Variants in LAP3 observed in about 807,000 individuals in gnomAD.
LAP3 encodes leucine aminopeptidase 3.
LAP3 carries 46 observed loss-of-function variants against 58.8 expected under a neutral mutation model. The observed-to-expected ratio is 0.78, with a 90% CI of 0.62 to 1.00. The LOEUF is 1.00. LAP3 is among the 50% of genes least tolerant of loss of function. The pLI, the probability that LAP3 is intolerant of heterozygous loss-of-function variation, is 0.00. For missense variants in LAP3, 615 were observed against 659.1 expected (o/e 0.93, Z 0.73); for synonymous variants, 257 against 237.7 (o/e 1.08, Z -0.75).
intron 6 of LAP3, chr4:17,587,416 C>T (rs1713550016): frequency 8.1e-6 from 1 of 123,714 alleles, no homozygotes; most frequent in Non-Finnish European, 1.6e-5. Context: ...CATTGCACAG[C>T]CTTGTTGTTG....
intron 10 of LAP3, among the ~76,000 whole-genome samples, chr4:17,602,794 C>T (rs1293021629): frequency 6.6e-6 from 1 of 151,982 alleles, no homozygotes; most frequent in Admixed American, 6.6e-5. Flanking sequence ...AAGCCATTCT[C>T]CTGCCTCAGC....
intron 11 of LAP3, 146 bp from the exon 12 acceptor site, chr4:17,606,683 A>G (rs1274566010): frequency 3.7e-6 from 2 of 544,086 alleles, no homozygotes; most frequent in Non-Finnish European, 6.5e-6. Context: ...TAATGAGTGG[A>G]CACAATTCTG....
At position 17,597,056 on chromosome 4, in the gene LAP3, T is replaced by A. The variant is rs1560347034; in HGVS notation, c.999T>A (p.Pro333=). Residue 333 remains proline (P), a synonymous_variant, in exon 9 of 13, where the codon CCT becomes CCA. Transcript: ENST00000226299. ...NLPINIIGLA[P]LCENMPSGKA... ...TATTATTTCCAATAGGTCTGGCCCC[T>A]CTTTGTGAAAATATGCCCAGCGGCA... The A allele has an allele frequency of 2.5e-6, 4 of 1,614,190 alleles. No individual in the cohort carries two copies. The highest frequency in any genetic ancestry group is 1.3e-5 in the African/African-American group (1 of 75,070).
At chr4:17,582,961 C>G (rs1199474256) in intron 4 of LAP3, among the ~76,000 whole-genome samples, 1 of 152,126 alleles carries the variant, frequency 6.6e-6, no homozygotes, top group African/African-American at 2.4e-5. Context: ...ACTATTTAGG[C>G]CTGTGTATAT....
intron 6 of LAP3, among the ~76,000 whole-genome samples, chr4:17,586,996 C>T (rs1291704418): frequency 4.6e-5 from 7 of 152,104 alleles, no homozygotes; most frequent in African/African-American, 2.4e-5. Context: ...ATCCCAGCTA[C>T]TCGGGAAGCT....
chr4:17,592,522 C>T (rs1402767003), intron 7 of LAP3, among the ~76,000 whole-genome samples: 1 of 152,168 alleles, frequency 6.6e-6, no homozygotes, highest in Non-Finnish European at 1.5e-5. Flanking sequence ...AAGTTAAGAG[C>T]ATCTGTAAGC....
At chr4:17,591,973 T>G (rs28750359) in intron 7 of LAP3, among the ~76,000 whole-genome samples, 3 of 26,224 alleles carry the variant, frequency 1.1e-4, no homozygotes, top group Non-Finnish European at 1.9e-4. Flanking sequence ...GTGTGCACCT[T>G]GGGGGGGTGC....
intron 7 of LAP3, among the ~76,000 whole-genome samples, chr4:17,592,705 C>T (rs1056009402): frequency 6.6e-6 from 1 of 152,250 alleles, no homozygotes; most frequent in African/African-American, 2.4e-5. Context: ...ACACCTTCCT[C>T]AGTATTTGAT....
intron 1 of LAP3, among the ~76,000 whole-genome samples, chr4:17,577,965 C>T (rs1309528668): frequency 6.6e-6 from 1 of 152,188 alleles, no homozygotes; most frequent in African/African-American, 2.4e-5. Flanking sequence ...CACAGGGCTC[C>T]TTCCCCCGCG....
At chr4:17,596,365 G>A (rs1215590614) in intron 8 of LAP3, among the ~76,000 whole-genome samples, 3 of 152,020 alleles carry the variant, frequency 2.0e-5, no homozygotes, top group Admixed American at 2.0e-4. Context: ...TTGAGATGGA[G>A]TTTCGCTCTT....
At chr4:17,604,944 C>T (rs959760618) in intron 11 of LAP3, among the ~76,000 whole-genome samples, 10 of 152,108 alleles carry the variant, frequency 6.6e-5, no homozygotes, top group Admixed American at 3.3e-4. Context: ...TTTAGAATCC[C>T]TGAGGTAGAA....
At chr4:17,604,041 G>A (rs931072950) in intron 10 of LAP3, among the ~76,000 whole-genome samples, 2 of 151,810 alleles carry the variant, frequency 1.3e-5, no homozygotes, top group African/African-American at 4.8e-5. Context: ...GGCTGGTCTC[G>A]AACTCCTGAC....
At chr4:17,603,702 C>A (rs1253497990) in intron 10 of LAP3, among the ~76,000 whole-genome samples, 1 of 151,688 alleles carries the variant, frequency 6.6e-6, no homozygotes, top group Non-Finnish European at 1.5e-5. Flanking sequence ...TTAGTAGAGA[C>A]AGGGTTTCTC....
intron 11 of LAP3, among the ~76,000 whole-genome samples, chr4:17,605,025 C>T (rs1173279589): frequency 6.6e-6 from 1 of 151,912 alleles, no homozygotes; most frequent in East Asian, 1.9e-4. Context: ...GGGAGTTCAC[C>T]CTGCATCGAT....
Position 17,579,933 on chromosome 4 carries a change from T to A in LAP3, c.212T>A (p.Leu71Ter). The A allele has an allele frequency of 6.3e-7, 1 of 1,586,868 alleles. No individual in the cohort carries two copies. The highest frequency in any genetic ancestry group is 1.1e-5 in the South Asian group (1 of 90,152). Residue 71 changes from leucine (L) to a stop codon, truncating the protein, a stop_gained, in exon 2 of 13, where the codon TTG becomes TAG. Coordinates refer to ENST00000226299, the MANE Select transcript of LAP3 (RefSeq NM_015907.3). LOFTEE classifies it high-confidence loss of function. ...KLLAGKLRET[L>*]NISGPPLKAG... ...TTAGCTGGAAAGCTGAGAGAGACTT[T>A]GAACATGTAAGTGTTGCTTGTGGGC...
At chr4:17,594,168 TTAAC>T (rs1357451509) in intron 7 of LAP3, among the ~76,000 whole-genome samples, 3 of 152,138 alleles carry the variant, frequency 2.0e-5, no homozygotes, top group African/African-American at 4.8e-5. Context: ...TTGCTGATCT[TTAAC>T]TGGTGGCTAC....
intron 9 of LAP3, among the ~76,000 whole-genome samples, chr4:17,597,865 C>T (rs1713872713): frequency 1.3e-5 from 2 of 152,094 alleles, no homozygotes; most frequent in African/African-American, 4.8e-5. Context: ...CTCTGGGTGG[C>T]ACGTGCATGC....
chr4:17,591,428 A>G (rs1433653495), intron 7 of LAP3, among the ~76,000 whole-genome samples: 3 of 152,172 alleles, frequency 2.0e-5, no homozygotes. Context: ...GGTGTGAGCC[A>G]CCACACCTGG....
chr4:17,603,179 T>C (rs7677305), intron 10 of LAP3, among the ~76,000 whole-genome samples: 95,098 of 151,156 alleles, frequency 0.63, 30,336 homozygotes, highest in East Asian at 0.89. Flanking sequence ...TGTGGTGGCA[T>C]GTGCCTGTAG....
Sources: gnomAD v4.1 joint callset for allele counts (sites outside exome capture counted in the v4.1 genomes callset) on GRCh38, gnomAD v4.1.1 for gene constraint, MANE v1.5 for transcripts, NCBI Gene and HGNC (gene_info 2026-07-23, HGNC 2026-07-21) for gene names.